The following ERICH6 variants were observed in gnomAD, a reference collection of about 807,000 sequenced individuals.
ERICH6 encodes the protein glutamate rich 6.
In ERICH6, 71 loss-of-function variants were observed where a neutral mutation model predicts 71.0. That is an observed-to-expected ratio of 1.00 (90% CI 0.83 to 1.22). The LOEUF is 1.22. ERICH6 is among the 50% of genes most tolerant of loss of function. The probability of loss-of-function intolerance (pLI) is 0.00; values close to 1 mark genes in which losing one functional copy is unlikely to be tolerated. For synonymous variants in ERICH6, 262 were observed against 278.4 expected, an observed-to-expected ratio of 0.94 and a Z score of 0.59; for missense variants, 808 against 797.2, an observed-to-expected ratio of 1.01 and a Z score of -0.16.
intron 10 of ERICH6, among the ~76,000 whole-genome samples, chr3:150,674,479 AC>A (rs1711573825): frequency 6.6e-6 from 1 of 152,272 alleles, no homozygotes; most frequent in South Asian, 2.1e-4. Flanking sequence ...TGCCTTAATT[AC>A]TATATTTTGT....
chr3:150,678,643 A>G (rs1043695534), intron 9 of ERICH6, 89 bp from the exon 10 acceptor site: 51 of 1,018,304 alleles, frequency 5.0e-5, no homozygotes, highest in South Asian at 4.2e-4. Flanking sequence ...ACCCCAATAT[A>G]AATGCACTGA....
intron 6 of ERICH6, among the ~76,000 whole-genome samples, chr3:150,685,351 G>C (rs1275721640): frequency 6.6e-6 from 1 of 152,226 alleles, no homozygotes; most frequent in Non-Finnish European, 1.5e-5. Flanking sequence ...GACACACAGA[G>C]AGAATGCTGT....
intron 6 of ERICH6, among the ~76,000 whole-genome samples, chr3:150,684,156 G>A (rs541205876): frequency 3.9e-5 from 6 of 152,290 alleles, no homozygotes; most frequent in African/African-American, 1.4e-4. Flanking sequence ...GGAGGCCAGG[G>A]TAGGGATATT....
rs148425196 is a variant in ERICH6 at position 150,697,138 on chromosome 3, A to G, written c.553+1653T>C. On this transcript the variant is annotated intron_variant, in intron 3 of 13. Transcript: ENST00000295910. The stretch of plus-strand genomic sequence containing the variant: ...TATTAAGCGAAAAAGCAAGTGGAAC[A>G]ACAGATTCGGTGTGATACCATTCAT... Among the ~76,000 whole-genome samples, 429 of 152,322 alleles carry G rather than the reference A, an allele frequency of 2.8e-3. 2 individuals are homozygous for G. Among genetic ancestry groups the G allele is most frequent in the African/African-American group, 9.7e-3 (405 of 41,550 alleles).
chr3:150,697,143 A>C (rs1480067388), intron 3 of ERICH6, among the ~76,000 whole-genome samples: 1 of 152,098 alleles, frequency 6.6e-6, no homozygotes, highest in Non-Finnish European at 1.5e-5. Flanking sequence ...GGAACAACAG[A>C]TTCGGTGTGA....
Position 150,659,901 on chromosome 3 carries a change from T to G in ERICH6, c.1983A>C (p.Glu661Asp), listed in dbSNP as rs199868192. The G allele has an allele frequency of 1.9e-6, 3 of 1,596,260 alleles. No individual in the cohort carries two copies. The East Asian group carries it at 6.7e-5, about 36-fold the overall frequency. The change falls in exon 14 of 14, where the codon GAA (glutamate) becomes GAC (aspartate). Residue 661 changes from glutamate to aspartate, a missense_variant. Coordinates refer to ENST00000295910, the MANE Select transcript of ERICH6 (RefSeq NM_152394.5). ...GCACCATCATTCTTAGTTAAATTTCTTCATTTATTATATTTCTTATTGTCT... is the reference window on the plus strand; with the variant it reads ...GCACCATCATTCTTAGTTAAATTTCGTCATTTATTATATTTCTTATTGTCT... ...IMKTIRNIINEEI is the reference protein window; with the variant it reads ...IMKTIRNIINDEI
chr3:150,701,144 TA>T (rs1286020470), intron 2 of ERICH6, among the ~76,000 whole-genome samples: 1 of 152,152 alleles, frequency 6.6e-6, no homozygotes, highest in Non-Finnish European at 1.5e-5. Flanking sequence ...AGTTTGTTGT[TA>T]ATTGGGAAAA....
intron 2 of ERICH6, among the ~76,000 whole-genome samples, chr3:150,700,184 C>G (rs551164943): frequency 2.0e-3 from 299 of 151,598 alleles, no homozygotes; most frequent in Non-Finnish European, 2.8e-3. Flanking sequence ...ACACCATTCT[C>G]CTGCCTCAGC....
At chr3:150,677,805 T>A (rs1408877471) in intron 10 of ERICH6, among the ~76,000 whole-genome samples, 2 of 152,124 alleles carry the variant, frequency 1.3e-5, no homozygotes, top group African/African-American at 4.8e-5. Context: ...TCTTGGAAAA[T>A]TTGTTTTTAT....
At chr3:150,680,429 T>C (rs747437958) in intron 9 of ERICH6, 39 bp downstream of exon 9, 1 of 1,591,794 alleles carries the variant, frequency 6.3e-7, no homozygotes, top group South Asian at 1.1e-5. Flanking sequence ...TTTCTGACGT[T>C]GTACAGCTGG....
chr3:150,672,980 G>C (rs1711524530), intron 11 of ERICH6, among the ~76,000 whole-genome samples: 4 of 151,984 alleles, frequency 2.6e-5, no homozygotes, highest in Admixed American at 2.6e-4. Flanking sequence ...GGTCATAATT[G>C]TGCCACTGCA....
At position 150,675,153 on chromosome 3, in the gene ERICH6, A is replaced by C. The variant is rs559192467; in HGVS notation, c.1258-1112T>G. Among the ~76,000 whole-genome samples, 14 of 152,244 alleles carry C rather than the reference A, an allele frequency of 9.2e-5. No individual in the cohort carries two copies. The East Asian group carries it at 2.1e-3, about 23-fold the overall frequency. On this transcript the variant is annotated intron_variant, in intron 10 of 13. Coordinates refer to ENST00000295910, the MANE Select transcript of ERICH6 (RefSeq NM_152394.5). ...CTCAAAAAAAATAAGAGGTAGGCTA[A>C]AATATCTCATTATGAATATGGTTTT...
chr3:150,691,467 G>GT (rs1220043455), intron 3 of ERICH6, among the ~76,000 whole-genome samples: 2 of 152,026 alleles, frequency 1.3e-5, no homozygotes, highest in East Asian at 1.9e-4. Context: ...AGGTTTATTT[G>GT]TTTTTTGTAA....
At chr3:150,695,505 A>AG (rs1170715334) in intron 3 of ERICH6, among the ~76,000 whole-genome samples, 1 of 151,434 alleles carries the variant, frequency 6.6e-6, no homozygotes. Context: ...ACTAAAAAAA[A>AG]AAAAATACAA....
Position 150,685,645 on chromosome 3 carries a change from TC to T in ERICH6, c.783+96del, listed in dbSNP as rs375175484. The T allele has an allele frequency of 9.7e-3, 10,065 of 1,037,938 alleles. 444 individuals carry two copies. In the African/African-American group the frequency reaches 0.13, roughly 13 times the overall value. 64.3% of individuals were successfully genotyped at this position (1,037,938 alleles called of 1,614,324 possible). A position where few individuals can be genotyped will look rare whatever the true frequency, so the allele number is the denominator to read the frequency against. ...TGAGCTCTTTGGCTTTTTTTTTTTT[TC>T]CTTTTAGAGTATTTTCACTGTCTAT... On this transcript the variant is annotated intron_variant, in intron 6 of 13. Coordinates refer to ENST00000295910, the MANE Select transcript of ERICH6 (RefSeq NM_152394.5).
At position 150,682,136 on chromosome 3, in the gene ERICH6, T is replaced by C. The variant is rs538492337; in HGVS notation, c.882+82A>G. 4.4e-4 allele frequency: 536 copies of C among 1,217,452 alleles called. No homozygotes were observed. In the African/African-American group the frequency reaches 4.9e-3, roughly 11 times the overall value. 75.4% of individuals were successfully genotyped at this position (1,217,452 alleles called of 1,614,324 possible). A position where few individuals can be genotyped will look rare whatever the true frequency, so the allele number is the denominator to read the frequency against. On this transcript the variant is annotated intron_variant, in intron 7 of 13. Transcript: ENST00000295910. ...GGCCTAACTCTTTTAAAAATGGCAATGCAGGGGAAAGATGCAAGAGAAAAT... is the reference window on the plus strand; with the variant it reads ...GGCCTAACTCTTTTAAAAATGGCAACGCAGGGGAAAGATGCAAGAGAAAAT...
intron 3 of ERICH6, among the ~76,000 whole-genome samples, chr3:150,691,401 C>T (rs530360518): frequency 5.9e-5 from 9 of 151,742 alleles, no homozygotes; most frequent in Non-Finnish European, 8.8e-5. Context: ...ATGTATTAAA[C>T]GAGGTAAAAG....
At chr3:150,694,908 G>A (rs1193555753) in intron 3 of ERICH6, among the ~76,000 whole-genome samples, 2 of 152,184 alleles carry the variant, frequency 1.3e-5, no homozygotes, top group East Asian at 3.8e-4. Context: ...AGATCAAGGT[G>A]CCGGTAGATT....
chr3:150,702,248 A>G (rs1051553285), intron 1 of ERICH6, 70 bp from the exon 2 acceptor site: 15 of 834,838 alleles, frequency 1.8e-5, no homozygotes, highest in Non-Finnish European at 2.8e-5. Flanking sequence ...CCCCCCCAGG[A>G]ACACATGGCA....
Sources: gnomAD v4.1 joint callset for allele counts (sites outside exome capture counted in the v4.1 genomes callset) on GRCh38, gnomAD v4.1.1 for gene constraint, MANE v1.5 for transcripts, NCBI Gene and HGNC (gene_info 2026-07-23, HGNC 2026-07-21) for gene names.